DPYD: variants seen among roughly 807,000 people sequenced by gnomAD.
DPYD encodes the protein dihydropyrimidine dehydrogenase.
Under a neutral mutation model 116.2 loss-of-function variants are expected in DPYD, and 109 were observed. That is an observed-to-expected ratio of 0.94 (90% CI 0.80 to 1.10). The LOEUF is 1.10. Ranked by LOEUF, DPYD falls within the 50% of genes least tolerant of loss-of-function variation. The pLI is 0.00. For missense variants in DPYD, 1,302 were observed against 1,254.5 expected (o/e 1.04, Z -0.57); for synonymous variants, 440 against 432.0 (o/e 1.02, Z -0.23).
intron 20 of DPYD, among the ~76,000 whole-genome samples, chr1:97,191,412 A>C (rs1385197323): frequency 6.6e-6 from 1 of 152,134 alleles, no homozygotes; most frequent in African/African-American, 2.4e-5. Flanking sequence ...GTGTTGAGAA[A>C]TGAATCACTA....
rs564695201 is a variant in DPYD, at chr1:97,720,317, C to T, written c.483+1193G>A. Reference sequence around the variant, plus strand: ...CACTTACTGCATCTGTGAAAGCTTGCCCTGGTTTAATGAAGAGGCAATGGG... The same window carrying T: ...CACTTACTGCATCTGTGAAAGCTTGTCCTGGTTTAATGAAGAGGCAATGGG... On this transcript the variant is annotated intron_variant, in intron 5 of 22. Transcript: ENST00000370192. 3.0e-6 allele frequency: 3 copies of T among 985,136 alleles called. No homozygotes were observed. In the African/African-American group the frequency reaches 5.3e-5, roughly 17 times the overall value. 61.0% of individuals were successfully genotyped at this position (985,136 alleles called of 1,614,324 possible).
chr1:97,203,955 TGA>T (rs1186644143), intron 19 of DPYD, among the ~76,000 whole-genome samples: 1 of 152,048 alleles, frequency 6.6e-6, no homozygotes, highest in African/African-American at 2.4e-5. Context: ...CACAAATTTG[TGA>T]GAGAGTACAA....
chr1:97,787,002 G>GA (rs1474371864), intron 3 of DPYD, among the ~76,000 whole-genome samples: 1 of 151,104 alleles, frequency 6.6e-6, no homozygotes, highest in South Asian at 2.1e-4. Flanking sequence ...TGGCTTTGAG[G>GA]AAAAAAAACC....
intron 11 of DPYD, among the ~76,000 whole-genome samples, chr1:97,551,334 C>T (rs780016682): frequency 8.6e-4 from 131 of 152,108 alleles, no homozygotes; most frequent in Middle Eastern, 3.2e-3. Flanking sequence ...ATCATCACTA[C>T]CATCTGTTGA....
chr1:97,534,771 T>C (rs1460397456), intron 12 of DPYD, among the ~76,000 whole-genome samples: 2 of 152,108 alleles, frequency 1.3e-5, no homozygotes, highest in East Asian at 3.8e-4. Context: ...CTCCATTTTT[T>C]TAAATGGGAA....
intron 19 of DPYD, among the ~76,000 whole-genome samples, chr1:97,229,546 GTATATATATATA>G (rs55638142): frequency 0.085 from 4,943 of 57,972 alleles, 219 homozygotes; most frequent in East Asian, 0.24. Flanking sequence ...ACCATCCTAA[GTATATATATATA>G]TATATATATA....
At chr1:97,864,872 A>T (rs1671294850) in intron 2 of DPYD, among the ~76,000 whole-genome samples, 1 of 151,922 alleles carries the variant, frequency 6.6e-6, no homozygotes, top group African/African-American at 2.4e-5. Flanking sequence ...AAGATATGAG[A>T]GCCTGGCATT....
At chr1:97,125,521 G>T (rs1480673942) in intron 20 of DPYD, among the ~76,000 whole-genome samples, 2 of 152,014 alleles carry the variant, frequency 1.3e-5, no homozygotes, top group Non-Finnish European at 2.9e-5. Flanking sequence ...AAGGCCTGGA[G>T]AATGAGACTC....
At chr1:97,799,918 T>C (rs1339357440) in intron 3 of DPYD, among the ~76,000 whole-genome samples, 1 of 151,930 alleles carries the variant, frequency 6.6e-6, no homozygotes, top group African/African-American at 2.4e-5. Context: ...TCTCTTCCAA[T>C]GCACATCTCC....
rs918959730 is a variant in DPYD at position 97,462,215 on chromosome 1, A to C, written c.1741-11992T>G. ...ACTACTTTTCAGCCATTACTACAGA[A>C]AAAAATGAATAAATTTGATTCACGG... On this transcript the variant is annotated intron_variant, in intron 13 of 22. Coordinates refer to ENST00000370192, the MANE Select transcript of DPYD (RefSeq NM_000110.4). 3.9e-5 allele frequency among the ~76,000 whole-genome samples: 6 copies of C among 152,238 alleles called. 1 individual carries two copies. Among genetic ancestry groups the C allele is most frequent in the Admixed American group, 2.0e-4 (3 of 15,278 alleles).
chr1:97,525,117 T>C (rs942109266), intron 12 of DPYD, among the ~76,000 whole-genome samples: 2 of 152,198 alleles, frequency 1.3e-5, no homozygotes, highest in African/African-American at 4.8e-5. Context: ...TACCTCCTGG[T>C]CTAAGCATGG....
chr1:97,835,836 TACTC>T (rs1344739109), intron 2 of DPYD, among the ~76,000 whole-genome samples: 1 of 152,112 alleles, frequency 6.6e-6, no homozygotes, highest in African/African-American at 2.4e-5. Flanking sequence ...ATAATTTACT[TACTC>T]ACTTAATCTT....
At chr1:97,579,079 AT>A (rs1449466772) in intron 10 of DPYD, among the ~76,000 whole-genome samples, 1 of 152,218 alleles carries the variant, frequency 6.6e-6, no homozygotes, top group East Asian at 1.9e-4. Context: ...CAAGAGTGAT[AT>A]TAAAATAGTC....
rs1402095898 is a variant in DPYD, at chr1:97,078,250, T to A, written c.*726A>T. On this transcript the variant is annotated 3_prime_UTR_variant, in exon 23 of 23. Coordinates refer to ENST00000370192, the MANE Select transcript of DPYD (RefSeq NM_000110.4). ...GGATCTATCCTATCATCTCATTTTG[T>A]TAGGAACATAGTTTAAAGAGAAATG... 1 of 153,852 alleles carries A rather than the reference T, an allele frequency of 6.5e-6. No individual in the cohort carries two copies. Among genetic ancestry groups the A allele is most frequent in the Non-Finnish European group, 1.4e-5 (1 of 69,126 alleles). 9.5% of individuals were successfully genotyped at this position (153,852 alleles called of 1,614,324 possible).
chr1:97,542,823 TG>T (rs1196803873), intron 12 of DPYD, among the ~76,000 whole-genome samples: 1 of 152,206 alleles, frequency 6.6e-6, no homozygotes, highest in African/African-American at 2.4e-5. Flanking sequence ...ATGAGATTGA[TG>T]GATGTATGTG....
In DPYD at chr1:97,262,245, C is replaced by T. The variant is rs147979062; in HGVS notation, c.2300-27251G>A. Among the ~76,000 whole-genome samples, 617 of 152,120 alleles carry T rather than the reference C, an allele frequency of 4.1e-3. 11 individuals carry two copies. Among genetic ancestry groups the T allele is most frequent in the African/African-American group, 0.014 (587 of 41,552 alleles). On this transcript the variant is annotated intron_variant, in intron 18 of 22. Coordinates refer to ENST00000370192, the MANE Select transcript of DPYD (RefSeq NM_000110.4). ...GGAAAGAAAATAAAGGTAATCTTTA[C>T]GCACACTGGGCATGACCAGATAAGC... is the stretch of plus-strand genomic sequence containing the variant.
chr1:97,104,126 T>G (rs1469238785), intron 20 of DPYD, among the ~76,000 whole-genome samples: 2 of 152,144 alleles, frequency 1.3e-5, no homozygotes, highest in Admixed American at 1.3e-4. Flanking sequence ...TTAGCTTATG[T>G]GTCCATCTGC....
intron 12 of DPYD, among the ~76,000 whole-genome samples, chr1:97,530,878 AT>A (rs1369733498): frequency 6.6e-6 from 1 of 152,092 alleles, no homozygotes; most frequent in Non-Finnish European, 1.5e-5. Flanking sequence ...AGTGATAAGC[AT>A]TTTTTCATGT....
At chr1:97,679,248 C>A in intron 7 of DPYD, 66 bp from the exon 8 acceptor site, 2 of 842,184 alleles carry the variant, frequency 2.4e-6, no homozygotes, top group South Asian at 3.5e-5. Flanking sequence ...TAATATTTAA[C>A]ATCAAAAAGA....
Sources: gnomAD v4.1 joint callset for allele counts (sites outside exome capture counted in the v4.1 genomes callset) on GRCh38, gnomAD v4.1.1 for gene constraint, MANE v1.5 for transcripts, NCBI Gene and HGNC (gene_info 2026-07-23, HGNC 2026-07-21) for gene names.